The following COPA variants were observed in gnomAD, a reference collection of about 807,000 sequenced individuals.
COPA encodes coatomer subunit alpha.
A neutral mutation model predicts 158.7 loss-of-function variants in COPA; 10 were observed. The ratio of observed to expected loss-of-function variants is 0.06; its 90% CI spans 0.04 to 0.11. The LOEUF is 0.11. COPA is among the 10% of genes least tolerant of loss of function. The pLI is 1.00. For missense variants in COPA, 1,065 were observed against 1,536.7 expected, an observed-to-expected ratio of 0.69 and a Z score of 5.13; for synonymous variants, 462 against 542.8, an observed-to-expected ratio of 0.85 and a Z score of 2.07.
At chr1:160,290,434 T>TAA in intron 32 of COPA, 58 bp downstream of exon 32, 3 of 1,557,422 alleles carry the variant, frequency 1.9e-6, no homozygotes, top group Non-Finnish European at 2.6e-6. Context: ...CCACCATGTT[T>TAA]CTTTCTTTTT....
At chr1:160,338,660 T>C (rs575316380) in intron 3 of COPA, among the ~76,000 whole-genome samples, 64 of 152,308 alleles carry the variant, frequency 4.2e-4, no homozygotes, top group Non-Finnish European at 7.8e-4. Context: ...GCCTTCCAAA[T>C]TAAGCAATTC....
At chr1:160,321,695 T>A (rs78772171) in intron 8 of COPA, among the ~76,000 whole-genome samples, 5,022 of 152,120 alleles carry the variant, frequency 0.033, 273 homozygotes, top group African/African-American at 0.12. Flanking sequence ...CGCTGAAGTA[T>A]GAGAATCACT....
chr1:160,298,795 ACT>A (rs1360026416), intron 19 of COPA, 48 bp downstream of exon 19: 6 of 1,603,004 alleles, frequency 3.7e-6, no homozygotes, highest in Non-Finnish European at 5.1e-6. Context: ...TGGCACTCTA[ACT>A]CTCTCACCTC....
At chr1:160,322,096 A>C (rs1393328686) in intron 8 of COPA, among the ~76,000 whole-genome samples, 1 of 152,202 alleles carries the variant, frequency 6.6e-6, no homozygotes, top group Non-Finnish European at 1.5e-5. Flanking sequence ...TTCTTCACAG[A>C]AACAGAAAAA....
chr1:160,295,335 G>C (rs1658363990), intron 23 of COPA, among the ~76,000 whole-genome samples: 1 of 152,184 alleles, frequency 6.6e-6, no homozygotes, highest in Non-Finnish European at 1.5e-5. Flanking sequence ...GGTGGAAGTG[G>C]TGGAGGGTGA....
At chr1:160,336,778 T>G (rs1029412045) in intron 3 of COPA, among the ~76,000 whole-genome samples, 3 of 152,212 alleles carry the variant, frequency 2.0e-5, no homozygotes, top group African/African-American at 7.2e-5. Context: ...CTATTTCTAA[T>G]TTTTAACTTT....
intron 26 of COPA, 21 bp from the exon 27 acceptor site, chr1:160,293,255 C>T: frequency 6.2e-7 from 1 of 1,613,862 alleles, no homozygotes; most frequent in Non-Finnish European, 8.5e-7. Context: ...ACAAAAAAAC[C>T]CAAGCCAAGT....
intron 19 of COPA, among the ~76,000 whole-genome samples, chr1:160,298,181 CAAAAAAAAGAAAAA>C (rs1658479089): frequency 7.7e-6 from 1 of 130,402 alleles, no homozygotes; most frequent in Non-Finnish European, 1.6e-5. Context: ...GACTCCGCCT[CAAAAAAAAGAAAAA>C]AAAAAAAAGA....
intron 13 of COPA, 50 bp downstream of exon 13, chr1:160,309,051 C>T (rs775015308): frequency 1.1e-5 from 16 of 1,411,434 alleles, no homozygotes; most frequent in Middle Eastern, 1.8e-4. Flanking sequence ...AGTTATGATG[C>T]GGGTGAGGAG....
chr1:160,297,794 C>G lies in COPA; in HGVS notation c.1978-49G>C. 1.9e-6 allele frequency: 3 copies of G among 1,581,108 alleles called. No homozygotes were observed. In the East Asian group the frequency reaches 6.7e-5, roughly 35 times the overall value. Reference sequence around the variant, plus strand: ...TAACAGGTTGAAGGACAATGTGACTCAAAACCAAGGACTCTGCAAAGCATC... The same window carrying G: ...TAACAGGTTGAAGGACAATGTGACTGAAAACCAAGGACTCTGCAAAGCATC... On this transcript the variant is annotated intron_variant, in intron 19 of 32. Transcript: ENST00000241704.
At chr1:160,312,049 T>G (rs1425588143) in intron 10 of COPA, 31 bp from the exon 11 acceptor site, 2 of 1,604,134 alleles carry the variant, frequency 1.2e-6, no homozygotes. Context: ...GAGAAAAAAT[T>G]AAGCTGTAGG....
At chr1:160,328,040 A>G (rs1002075655) in intron 6 of COPA, among the ~76,000 whole-genome samples, 2 of 152,234 alleles carry the variant, frequency 1.3e-5, no homozygotes, top group Non-Finnish European at 2.9e-5. Flanking sequence ...AGGCCACAAC[A>G]ATTTTAATTA....
intron 5 of COPA, 171 bp downstream of exon 5, chr1:160,333,432 A>G: frequency 2.0e-6 from 1 of 501,498 alleles, no homozygotes. Context: ...CATATATGGG[A>G]TTGCCTCTAC....
chr1:160,343,058 C>T, intron 1 of COPA, 73 bp downstream of exon 1: 1 of 1,577,870 alleles, frequency 6.3e-7, no homozygotes, highest in Non-Finnish European at 8.7e-7. Context: ...CACCTCTACC[C>T]ATTTTCTCTT....
chr1:160,297,397 G>C lies in COPA; in HGVS notation c.2209C>G (p.Leu737Val). Reference sequence around the variant, plus strand: ...CGCTCTGACACATCACCCAGGTATAGGGCATTCTGATAGTGGCCACTCATG... The same window carrying C: ...CGCTCTGACACATCACCCAGGTATACGGCATTCTGATAGTGGCCACTCATG... Reference protein sequence around the residue: ...KDMSGHYQNALYLGDVSERVR... With the variant: ...KDMSGHYQNAVYLGDVSERVR... Residue 737 changes from leucine to valine, a missense_variant, in exon 21 of 33, where the codon CTA (leucine) becomes GTA (valine). Physicochemically the swap from Leu to Val is conservative, Grantham distance 32 (BLOSUM62 1). Around this residue, in one of 2 missense-constraint regions of COPA, gnomAD observed 980 missense variants for 1,357.8 expected, o/e 0.72. Coordinates refer to ENST00000241704, the MANE Select transcript of COPA (RefSeq NM_004371.4). 6.2e-7 allele frequency: 1 copy of C among 1,614,150 alleles called. No individual in the cohort carries two copies. The highest frequency in any genetic ancestry group is 8.5e-7 in the Non-Finnish European group (1 of 1,180,032).
At chr1:160,298,720 C>T (rs1658494648) in intron 19 of COPA, 125 bp downstream of exon 19, 2 of 1,267,472 alleles carry the variant, frequency 1.6e-6, no homozygotes, top group Non-Finnish European at 1.1e-6. Flanking sequence ...AATGTAACAA[C>T]TAAAAAAAAT....
chr1:160,343,192 T>A lies in COPA; in HGVS notation c.-22A>T, dbSNP rs200505290. ...ACATCTCTCAGGTCTCCGACTCCGA[T>A]GTCTTAATCCGAGCCCCGACACACC... On this transcript the variant is annotated 5_prime_UTR_variant, in exon 1 of 33. Transcript: ENST00000241704. 1.2e-6 allele frequency: 2 copies of A among 1,614,182 alleles called. No homozygotes were observed. The highest frequency in any genetic ancestry group is 1.7e-6 in the Non-Finnish European group (2 of 1,180,020).
At chr1:160,343,019 G>T (rs1571192007) in intron 1 of COPA, 112 bp downstream of exon 1, 2 of 1,288,846 alleles carry the variant, frequency 1.6e-6, no homozygotes, top group East Asian at 2.3e-5. Context: ...TCTTCCTCCG[G>T]GTCCGTCTGG....
intron 17 of COPA, among the ~76,000 whole-genome samples, chr1:160,302,894 C>T (rs1345257847): frequency 2.6e-5 from 4 of 151,930 alleles, no homozygotes; most frequent in Non-Finnish European, 4.4e-5. Context: ...TATGAAGGGC[C>T]GGGCATGGTG....
Sources: gnomAD v4.1 joint callset for allele counts (sites outside exome capture counted in the v4.1 genomes callset) on GRCh38, gnomAD v4.1.1 for gene constraint, gnomAD v4.1.1 regional missense constraint, MANE v1.5 for transcripts, NCBI Gene and HGNC (gene_info 2026-07-23, HGNC 2026-07-21) for gene names.